TMEM260: variants seen among roughly 807,000 people sequenced by gnomAD.
TMEM260 encodes the protein protein O-mannosyl-transferase TMEM260.
Under a neutral mutation model 88.9 loss-of-function variants are expected in TMEM260, and 82 were observed. That is an observed-to-expected ratio of 0.92 (90% confidence interval 0.77 to 1.11). The LOEUF is 1.11. Among genes scored for constraint, TMEM260 ranks in the 50% least tolerant of loss-of-function variants. The pLI, the probability that TMEM260 is intolerant of heterozygous loss-of-function variation, is 0.00. For missense variants in TMEM260, 902 were observed against 853.4 expected, an observed-to-expected ratio of 1.06 and a Z score of -0.71; for synonymous variants, 314 against 309.3, an observed-to-expected ratio of 1.02 and a Z score of -0.16.
At chr14:56,630,259 T>G (rs2345153) in intron 12 of TMEM260, among the ~76,000 whole-genome samples, 133,123 of 152,180 alleles carry the variant, frequency 0.87, 58,343 homozygotes, top group East Asian at 1. Context: ...TTTGGAGTTT[T>G]CCAAATTTCT....
At chr14:56,624,248 G>A (rs576076095) in intron 11 of TMEM260, among the ~76,000 whole-genome samples, 15 of 152,092 alleles carry the variant, frequency 9.9e-5, no homozygotes, top group African/African-American at 3.4e-4. Flanking sequence ...GTCTAGTCTG[G>A]CCATCAAAGG....
chr14:56,579,785 C>A, upstream of TMEM260: 1 of 883,952 alleles, frequency 1.1e-6, no homozygotes, highest in African/African-American at 1.7e-5. Flanking sequence ...TGCGGTCCAA[C>A]CCGCGGAGGC....
intron 3 of TMEM260, among the ~76,000 whole-genome samples, chr14:56,598,818 C>T (rs1470018112): frequency 1.3e-5 from 2 of 152,192 alleles, no homozygotes; most frequent in Non-Finnish European, 2.9e-5. Flanking sequence ...ACCTGTATTT[C>T]TACATTGCAC....
At chr14:56,639,574 C>T (rs55769469) in intron 15 of TMEM260, among the ~76,000 whole-genome samples, 5,148 of 152,242 alleles carry the variant, frequency 0.034, 140 homozygotes, top group East Asian at 0.099. Flanking sequence ...GCATGAGCAA[C>T]GCAGAAGACG....
At chr14:56,590,624 A>T (rs565603560) in intron 3 of TMEM260, among the ~76,000 whole-genome samples, 1 of 152,198 alleles carries the variant, frequency 6.6e-6, no homozygotes, top group Non-Finnish European at 1.5e-5. Flanking sequence ...TCTATTGTTC[A>T]CTTTCCTAAG....
chr14:56,595,423 C>T (rs952792975), intron 3 of TMEM260, among the ~76,000 whole-genome samples: 2 of 152,102 alleles, frequency 1.3e-5, no homozygotes, highest in Non-Finnish European at 2.9e-5. Context: ...ATTAAGGAAC[C>T]TTCTTTACAA....
At position 56,647,474 on chromosome 14, in the gene TMEM260, C is replaced by G. The variant is rs765488726; in HGVS notation, c.2101C>G (p.Leu701Val). Reference sequence around the variant, plus strand: ...GCACCTAAGAAAAGAACTGCAAAGTCTGAGAAATAGGAAAAATGTCTGAGA... The same window carrying G: ...GCACCTAAGAAAAGAACTGCAAAGTGTGAGAAATAGGAAAAATGTCTGAGA... ...LKHLRKELQS[L>V]RNRKNV The change falls in exon 16 of 16, where the codon CTG becomes GTG. Residue 701 changes from leucine to valine, a missense_variant. Physicochemically the swap from Leu to Val is conservative, Grantham distance 32. Coordinates refer to ENST00000261556, the MANE Select transcript of TMEM260 (RefSeq NM_017799.4). 1.9e-6 allele frequency: 3 copies of G among 1,601,288 alleles called. No homozygotes were observed. Among genetic ancestry groups the G allele is most frequent in the Non-Finnish European group, 2.5e-6 (3 of 1,176,518 alleles).
chr14:56,663,163 C>T, the TMEM260 span, among the ~76,000 whole-genome samples: 1 of 152,138 alleles, frequency 6.6e-6, no homozygotes, highest in African/African-American at 2.4e-5. This position sits in a 1 kb window ranked among gnomAD's most constrained non-coding sequence, Gnocchi z 4.1. Context: ...TGTTGAGCAT[C>T]GATACACTGT....
intron 8 of TMEM260, chr14:56,616,294 T>A: frequency 3.6e-6 from 1 of 280,882 alleles, no homozygotes; most frequent in Non-Finnish European, 6.6e-6. Flanking sequence ...TTAACTCTGC[T>A]ATAACCGATT....
chr14:56,645,549 C>G (rs1192598196), intron 15 of TMEM260, among the ~76,000 whole-genome samples: 1 of 151,828 alleles, frequency 6.6e-6, no homozygotes, highest in African/African-American at 2.4e-5. Flanking sequence ...TGCTAAATGA[C>G]GAGGTAATGG....
chr14:56,629,494 A>G (rs1055209934), intron 12 of TMEM260, among the ~76,000 whole-genome samples: 2 of 152,046 alleles, frequency 1.3e-5, no homozygotes, highest in African/African-American at 4.8e-5. Context: ...AAAATATTCT[A>G]CAATATTTAT....
At chr14:56,596,431 C>CACAT (rs1886232303) in intron 3 of TMEM260, among the ~76,000 whole-genome samples, 1 of 136,398 alleles carries the variant, frequency 7.3e-6, no homozygotes, top group Non-Finnish European at 1.6e-5. Flanking sequence ...TATATACATA[C>CACAT]ACACACATAT....
At chr14:56,582,286 C>T (rs1885186557) in intron 1 of TMEM260, among the ~76,000 whole-genome samples, 1 of 152,132 alleles carries the variant, frequency 6.6e-6, no homozygotes, top group African/African-American at 2.4e-5. Flanking sequence ...TGTCGTCTTG[C>T]CAAAATTATT....
intron 15 of TMEM260, among the ~76,000 whole-genome samples, chr14:56,641,511 A>G (rs948649126): frequency 6.6e-6 from 1 of 152,194 alleles, no homozygotes; most frequent in African/African-American, 2.4e-5. Context: ...AGCTCCTGAA[A>G]GAAGCACTAA....
intron 15 of TMEM260, among the ~76,000 whole-genome samples, chr14:56,640,759 G>A (rs1889527897): frequency 6.6e-6 from 1 of 152,220 alleles, no homozygotes; most frequent in South Asian, 2.1e-4. Context: ...AAATTAATTA[G>A]ACAAATGGAT....
chr14:56,636,889 A>AAGTT (rs1889133752), intron 15 of TMEM260, among the ~76,000 whole-genome samples: 1 of 152,236 alleles, frequency 6.6e-6, no homozygotes, highest in South Asian at 2.1e-4. Context: ...GGTGGGGATT[A>AAGTT]AGTTAGGTGT....
chr14:56,624,946 T>G (rs1446434164), intron 11 of TMEM260, among the ~76,000 whole-genome samples: 1 of 152,316 alleles, frequency 6.6e-6, no homozygotes, highest in Non-Finnish European at 1.5e-5. Context: ...AGGCATTAGA[T>G]TCTCTTAAGG....
chr14:56,659,395 C>G, the TMEM260 span, among the ~76,000 whole-genome samples: 1 of 152,002 alleles, frequency 6.6e-6, no homozygotes, highest in Non-Finnish European at 1.5e-5. Context: ...CTTGGGTGCA[C>G]CAATGATCAA....
chr14:56,619,278 C>G (rs981463709), intron 10 of TMEM260: 1 of 154,602 alleles, frequency 6.5e-6, no homozygotes, highest in Non-Finnish European at 1.4e-5. Flanking sequence ...CTCAAGCAGT[C>G]CTCTGCCTCA....
Sources: allele counts gnomAD v4.1 joint callset (sites outside exome capture counted in the v4.1 genomes callset), GRCh38; gene constraint gnomAD v4.1.1; non-coding constraint Gnocchi (gnomAD v3.1); transcripts MANE v1.5; gene names NCBI Gene and HGNC (gene_info 2026-07-23, HGNC 2026-07-21).